DAB1: variants seen among roughly 807,000 people sequenced by gnomAD.
DAB1 encodes disabled homolog 1.
A neutral mutation model predicts 64.6 loss-of-function variants in DAB1; 15 were observed. That is an observed-to-expected ratio of 0.23 (90% CI 0.16 to 0.36). The LOEUF (loss-of-function observed/expected upper bound fraction) is 0.36, where lower values mean the gene tolerates loss of function less well. Among genes scored for constraint, DAB1 ranks in the 10% least tolerant of loss-of-function variants. The pLI is 1.00. For synonymous variants in DAB1, 235 were observed against 251.9 expected (o/e 0.93, Z 0.64); for missense variants, 596 against 706.7 (o/e 0.84, Z 1.78).
chr1:57,406,578 C>T (rs552174557), intron 1 of DAB1, among the ~76,000 whole-genome samples: 1 of 152,192 alleles, frequency 6.6e-6, no homozygotes. Context: ...TGTAATGGCA[C>T]TGAGGTAGCC....
At chr1:57,819,158 A>C (rs1295216085) in intron 6 of DAB1, among the ~76,000 whole-genome samples, 1 of 152,250 alleles carries the variant, frequency 6.6e-6, no homozygotes, top group African/African-American at 2.4e-5. Flanking sequence ...GTCATGAAGC[A>C]GGGCTTCAAC....
intron 4 of DAB1, among the ~76,000 whole-genome samples, chr1:57,078,038 G>C (rs915098813): frequency 2.6e-5 from 4 of 152,126 alleles, no homozygotes; most frequent in African/African-American, 9.7e-5. Flanking sequence ...GACAAAGGGA[G>C]GCCCAGGCTC....
chr1:57,111,368 G>C (rs1392958112), intron 4 of DAB1, among the ~76,000 whole-genome samples: 1 of 152,110 alleles, frequency 6.6e-6, no homozygotes, highest in Non-Finnish European at 1.5e-5. Flanking sequence ...TTCAGACACT[G>C]TTTTCAGATC....
At chr1:57,760,762 C>T (rs1403237071) in intron 6 of DAB1, among the ~76,000 whole-genome samples, 1 of 152,082 alleles carries the variant, frequency 6.6e-6, no homozygotes, top group Non-Finnish European at 1.5e-5. Flanking sequence ...ATCTCTCATC[C>T]TTCTTAGACC....
At position 57,617,687 on chromosome 1, in the gene DAB1, C is replaced by G. The variant is rs566208587; in HGVS notation, n.625+31905G>C. Among the ~76,000 whole-genome samples the G allele has an allele frequency of 3.3e-5, 5 of 152,220 alleles. No individual in the cohort carries two copies. The East Asian group carries it at 9.7e-4, about 30-fold the overall frequency. On this transcript the variant is annotated intron_variant and non_coding_transcript_variant, in intron 7 of 20. Coordinates refer to the DAB1 transcript ENST00000485760. ...TTTGCTGACATTTTATAAAATGACA[C>G]TTTTTAGGTGACTTTAACTTGTGTT...
intron 4 of DAB1, among the ~76,000 whole-genome samples, chr1:58,317,978 T>C (rs148526767): frequency 6.6e-6 from 1 of 152,296 alleles, no homozygotes; most frequent in African/African-American, 2.4e-5. Flanking sequence ...AGCAGCACAA[T>C]GCCTGGCAGA....
chr1:57,954,222 C>A (rs1557575857), intron 5 of DAB1, among the ~76,000 whole-genome samples: 1 of 152,134 alleles, frequency 6.6e-6, no homozygotes, highest in Non-Finnish European at 1.5e-5. Context: ...GTCTTTTCAG[C>A]ACTTTCCCTT....
At chr1:57,216,865 G>A (rs1401601934) in intron 2 of DAB1, among the ~76,000 whole-genome samples, 2 of 152,170 alleles carry the variant, frequency 1.3e-5, no homozygotes, top group African/African-American at 2.4e-5. Context: ...GGCAGGACTG[G>A]GATTTCTACT....
chr1:57,256,050 CGT>C (rs1669733757), intron 2 of DAB1, among the ~76,000 whole-genome samples: 1 of 152,162 alleles, frequency 6.6e-6, no homozygotes, highest in Non-Finnish European at 1.5e-5. Flanking sequence ...CTGCCCTGTG[CGT>C]TGTTATCAGC....
At chr1:57,650,554 A>G (rs1469676126) in intron 6 of DAB1, among the ~76,000 whole-genome samples, 1 of 152,254 alleles carries the variant, frequency 6.6e-6, no homozygotes, top group East Asian at 1.9e-4. Flanking sequence ...TATATTTTGT[A>G]TAACAAAATT....
At chr1:57,321,060 C>T (rs918931540) in intron 1 of DAB1, among the ~76,000 whole-genome samples, 11 of 152,000 alleles carry the variant, frequency 7.2e-5, no homozygotes, top group South Asian at 4.2e-4. Context: ...GATGATGAAA[C>T]GAAGGTATAC....
intron 2 of DAB1, among the ~76,000 whole-genome samples, chr1:57,167,005 A>T (rs1369577622): frequency 6.6e-6 from 1 of 152,180 alleles, no homozygotes; most frequent in African/African-American, 2.4e-5. Context: ...AGATTTCTCC[A>T]TTCATATTAA....
At chr1:58,532,569 C>T (rs960924955) in intron 1 of DAB1, among the ~76,000 whole-genome samples, 10 of 152,058 alleles carry the variant, frequency 6.6e-5, no homozygotes, top group African/African-American at 2.2e-4. Flanking sequence ...ACTCTGTCAC[C>T]CAGGCTAGAG....
At chr1:57,722,483 A>T (rs1647163076) in intron 6 of DAB1, among the ~76,000 whole-genome samples, 1 of 152,156 alleles carries the variant, frequency 6.6e-6, no homozygotes, top group Non-Finnish European at 1.5e-5. Flanking sequence ...ATCATGACTT[A>T]AGCTTAGCAC....
At chr1:58,137,920 C>T (rs1348136830) in intron 5 of DAB1, among the ~76,000 whole-genome samples, 2 of 152,108 alleles carry the variant, frequency 1.3e-5, no homozygotes, top group African/African-American at 2.4e-5. Context: ...GTTTACGGCA[C>T]ATGCATGCAT....
At chr1:57,637,534 C>G (rs1045925784) in intron 7 of DAB1, among the ~76,000 whole-genome samples, 1 of 152,048 alleles carries the variant, frequency 6.6e-6, no homozygotes, top group Non-Finnish European at 1.5e-5. Context: ...GGGCTGAAAG[C>G]ACAGCTTGGT....
At chr1:58,233,407 G>A (rs933447247) in intron 4 of DAB1, among the ~76,000 whole-genome samples, 7 of 152,124 alleles carry the variant, frequency 4.6e-5, no homozygotes, top group South Asian at 4.1e-4. Context: ...TTGAACCCAG[G>A]TCTGCTTGCT....
At chr1:58,286,743 T>C (rs1661694594) in intron 4 of DAB1, among the ~76,000 whole-genome samples, 1 of 152,226 alleles carries the variant, frequency 6.6e-6, no homozygotes, top group African/African-American at 2.4e-5. Context: ...GTTCAACCAT[T>C]GTGAAAGACA....
At chr1:57,347,789 T>C (rs1393755402) in intron 1 of DAB1, among the ~76,000 whole-genome samples, 1 of 152,190 alleles carries the variant, frequency 6.6e-6, no homozygotes, top group Non-Finnish European at 1.5e-5. Flanking sequence ...TTCAAGATTT[T>C]TTTTTTAAGC....
Sources: gnomAD v4.1 joint callset for allele counts (sites outside exome capture counted in the v4.1 genomes callset) on GRCh38, gnomAD v4.1.1 for gene constraint, MANE v1.5 for transcripts, NCBI Gene and HGNC (gene_info 2026-07-23, HGNC 2026-07-21) for gene names.